Variants in CYFIP1 observed in about 807,000 individuals in gnomAD.
CYFIP1 encodes the protein cytoplasmic FMR1-interacting protein 1.
Under a neutral mutation model 163.5 loss-of-function variants are expected in CYFIP1, and 58 were observed. The observed-to-expected ratio is 0.35, with a 90% CI of 0.29 to 0.44. The LOEUF (loss-of-function observed/expected upper bound fraction) is 0.44. Among genes scored for constraint, CYFIP1 ranks in the 20% least tolerant of loss-of-function variants. The probability of loss-of-function intolerance (pLI) is 1.00; values close to 1 mark genes in which losing one functional copy is unlikely to be tolerated. For missense variants in CYFIP1, 1,338 were observed against 1,653.8 expected, an observed-to-expected ratio of 0.81 and a Z score of 3.31; for synonymous variants, 663 against 660.7, an observed-to-expected ratio of 1.00 and a Z score of -0.05.
intron 22 of CYFIP1, among the ~76,000 whole-genome samples, chr15:22,900,183 C>A (rs2060350229): frequency 6.6e-6 from 1 of 152,076 alleles, no homozygotes; most frequent in Non-Finnish European, 1.5e-5. Flanking sequence ...GACTGAAGTC[C>A]TTGCGAGAAG....
chr15:22,882,838 G>A (rs756566392), intron 24 of CYFIP1, 30 bp downstream of exon 24: 10 of 1,598,832 alleles, frequency 6.3e-6, no homozygotes, highest in African/African-American at 1.3e-5. Flanking sequence ...TCCAGGCTGT[G>A]TGAAAGAAGC....
At chr15:22,942,535 C>G (rs1170419288) in intron 6 of CYFIP1, among the ~76,000 whole-genome samples, 1 of 151,726 alleles carries the variant, frequency 6.6e-6, no homozygotes, top group African/African-American at 2.4e-5. Flanking sequence ...CCACCCACTG[C>G]CCCACACTGC....
intron 1 of CYFIP1, among the ~76,000 whole-genome samples, chr15:22,967,965 G>A (rs868103321): frequency 3.3e-5 from 5 of 152,006 alleles, no homozygotes; most frequent in Admixed American, 1.3e-4. Context: ...GTGAAACCCC[G>A]TCTCTACTAA....
chr15:22,926,167 TC>T, intron 12 of CYFIP1, 60 bp from the exon 13 acceptor site: 2 of 1,608,084 alleles, frequency 1.2e-6, no homozygotes, highest in Non-Finnish European at 1.7e-6. Flanking sequence ...TGGCTTCTGG[TC>T]TGACTCACAC....
At chr15:22,955,203 G>C (rs1374419175) in intron 1 of CYFIP1, among the ~76,000 whole-genome samples, 1 of 152,224 alleles carries the variant, frequency 6.6e-6, no homozygotes, top group Non-Finnish European at 1.5e-5. Context: ...GATCCACACA[G>C]ATGCAGTCTC....
intron 1 of CYFIP1, among the ~76,000 whole-genome samples, chr15:22,967,427 G>C (rs1477885347): frequency 6.6e-6 from 1 of 152,158 alleles, no homozygotes; most frequent in Non-Finnish European, 1.5e-5. Flanking sequence ...ATGTAGTCTT[G>C]GCTAAGTCTA....
At chr15:22,908,676 C>T (rs2060674424) in intron 21 of CYFIP1, among the ~76,000 whole-genome samples, 1 of 151,520 alleles carries the variant, frequency 6.6e-6, no homozygotes, top group South Asian at 2.1e-4. Context: ...CTACAGGTGC[C>T]TGCCACCACG....
At chr15:22,963,559 G>C (rs57128692) in intron 1 of CYFIP1, among the ~76,000 whole-genome samples, 13,819 of 103,496 alleles carry the variant, frequency 0.13, 811 homozygotes, top group Non-Finnish European at 0.16. Flanking sequence ...CATAACATAA[G>C]AAAGAATGAA....
In CYFIP1 at chr15:22,949,086, GAC is replaced by G. The variant is rs1265308020; in HGVS notation, c.-6-1797_-6-1796del. ...AAGAAGCTCTATGGATCCCAAACAA[GAC>G]AAACAAGAAATCCACACCCAGACAC... On this transcript the variant is annotated intron_variant, in intron 1 of 30. Transcript: ENST00000617928. 2.2e-4 allele frequency among the ~76,000 whole-genome samples: 33 copies of G among 152,180 alleles called. 1 individual carries two copies. The highest frequency in any genetic ancestry group is 1.3e-3 in the Admixed American group (20 of 15,278).
At position 22,916,642 on chromosome 15, in the gene CYFIP1, A is replaced by G. The variant is rs1296892185; in HGVS notation, c.1675-12T>C. On this transcript the variant is annotated splice_polypyrimidine_tract_variant and intron_variant, in intron 15 of 30. Coordinates refer to ENST00000617928, the MANE Select transcript of CYFIP1 (RefSeq NM_014608.6). The stretch of plus-strand genomic sequence containing the variant: ...CTCACCATGTAAAGCTGGATTATCC[A>G]AGGAAACATTTGTGGGGGAGAAAAT... 2 of 1,614,132 alleles carry G rather than the reference A, an allele frequency of 1.2e-6. No individual in the cohort carries two copies. Among genetic ancestry groups the G allele is most frequent in the Middle Eastern group, 1.6e-4 (1 of 6,062 alleles).
chr15:22,892,980 A>G lies in CYFIP1; in HGVS notation c.2589-3T>C, dbSNP rs1179738663. 6.2e-7 allele frequency: 1 copy of G among 1,607,226 alleles called. No homozygotes were observed. The stretch of plus-strand genomic sequence containing the variant: ...ATGGTAACACTGTCCGAACAAACCT[A>G]AACAAGAAAGATTTAAAAAAGAAAA... On this transcript the variant is annotated splice_polypyrimidine_tract_variant and splice_region_variant and intron_variant, in intron 22 of 30. Coordinates refer to ENST00000617928, the MANE Select transcript of CYFIP1 (RefSeq NM_014608.6).
At chr15:22,916,823 T>C (rs936933557) in intron 15 of CYFIP1, 193 bp from the exon 16 acceptor site, 1 of 1,559,408 alleles carries the variant, frequency 6.4e-7, no homozygotes, top group Non-Finnish European at 8.7e-7. Context: ...AAGAACAACT[T>C]GTAGCGGAGC....
rs903262111 is a variant in CYFIP1 at position 22,912,289 on chromosome 15, C to G, written c.1986-14G>C. ...TAGAGCACGTACCTGCAGAGGACAGCAGCAGTGTGACCAGCAGCCTCTGCC... is the reference window on the plus strand; with the variant it reads ...TAGAGCACGTACCTGCAGAGGACAGGAGCAGTGTGACCAGCAGCCTCTGCC... On this transcript the variant is annotated splice_polypyrimidine_tract_variant and intron_variant, in intron 17 of 30. Transcript: ENST00000617928. The G allele has an allele frequency of 2.0e-5, 32 of 1,595,622 alleles. No individual in the cohort carries two copies. The highest frequency in any genetic ancestry group is 9.4e-5 in the African/African-American group (7 of 74,238).
At chr15:22,879,854 CGGTGG>C (rs746433645) in intron 26 of CYFIP1, 54 bp downstream of exon 26, 228 of 1,118,484 alleles carry the variant, frequency 2.0e-4, no homozygotes, top group Non-Finnish European at 2.3e-4. Context: ...CTCCCCTGGC[CGGTGG>C]GGTGGGGTGG....
At chr15:22,936,482 C>T (rs541817295) in intron 9 of CYFIP1, among the ~76,000 whole-genome samples, 268 of 152,254 alleles carry the variant, frequency 1.8e-3, no homozygotes, top group African/African-American at 6.1e-3. Context: ...CAGGATATCC[C>T]CCCACCCCAA....
At chr15:22,890,911 C>G (rs1434210090) in intron 23 of CYFIP1, among the ~76,000 whole-genome samples, 14 of 152,188 alleles carry the variant, frequency 9.2e-5, no homozygotes, top group Non-Finnish European at 1.5e-5. Context: ...GTCCCATGTT[C>G]TCCAGGCATT....
At chr15:22,939,673 C>T (rs1359435261) in intron 6 of CYFIP1, among the ~76,000 whole-genome samples, 166 bp from the exon 7 acceptor site, 4 of 151,690 alleles carry the variant, frequency 2.6e-5, no homozygotes, top group Admixed American at 6.6e-5. Flanking sequence ...CCTTTTCAGG[C>T]GTCTCTGGCC....
intron 26 of CYFIP1, among the ~76,000 whole-genome samples, chr15:22,879,366 A>G (rs143740149): frequency 3.3e-4 from 51 of 152,240 alleles, no homozygotes; most frequent in African/African-American, 1.2e-3. Flanking sequence ...CAGCACCACA[A>G]AAAGGCGGCC....
At chr15:22,870,338 T>G (rs557162901) in intron 30 of CYFIP1, 146 bp from the exon 31 acceptor site, 70 of 971,256 alleles carry the variant, frequency 7.2e-5, no homozygotes, top group South Asian at 6.2e-4. Flanking sequence ...GGTTTTTTTT[T>G]GTAAGATAGG....
Sources: allele counts gnomAD v4.1 joint callset (sites outside exome capture counted in the v4.1 genomes callset), GRCh38; gene constraint gnomAD v4.1.1; transcripts MANE v1.5; gene names NCBI Gene and HGNC (gene_info 2026-07-23, HGNC 2026-07-21).